Variants in C2CD2 observed in about 807,000 individuals in gnomAD.
C2CD2 encodes C2 domain-containing protein 2.
In C2CD2, 43 loss-of-function variants were observed where a neutral mutation model predicts 74.3. That is an observed-to-expected ratio of 0.58 (90% CI 0.45 to 0.75). The LOEUF (loss-of-function observed/expected upper bound fraction) is 0.75, where lower values mean the gene tolerates loss of function less well. Among genes scored for constraint, C2CD2 ranks in the 30% least tolerant of loss-of-function variants. C2CD2 has a pLI of 0.00. For missense variants in C2CD2, 801 were observed against 916.3 expected (o/e 0.87, Z 1.63); for synonymous variants, 422 against 390.7 (o/e 1.08, Z -0.94).
intron 8 of C2CD2, chr21:41,908,243 T>TTGTGGGTGTGTGTGTGTGTGTGTG: frequency 6.0e-6 from 1 of 167,382 alleles, no homozygotes; most frequent in Non-Finnish European, 1.2e-5. Flanking sequence ...TACCCTCAAG[T>TTGTGGGTGTGTGTGTGTGTGTGTG]TGTGTGTGTG....
At position 41,887,531 on chromosome 21, in the gene C2CD2, A is replaced by G. The variant is rs1443237302; in HGVS notation, c.*1593T>C. 6.6e-6 allele frequency: 1 copy of G among 151,902 alleles called. No homozygotes were observed. The highest frequency in any genetic ancestry group is 1.5e-5 in the Non-Finnish European group (1 of 67,998). 9.4% of individuals were successfully genotyped at this position (151,902 alleles called of 1,614,324 possible). A position where few individuals can be genotyped will look rare whatever the true frequency, so the allele number is the denominator to read the frequency against. On this transcript the variant is annotated 3_prime_UTR_variant, in exon 14 of 14. Transcript: ENST00000380486. ...AAAATCCTATAATTTTGGTTTTCAT[A>G]TAGGTTTTTACTAAAAAAGAAAAAA...
At chr21:41,900,575 G>A (rs973436309) in intron 12 of C2CD2, among the ~76,000 whole-genome samples, 14 of 152,182 alleles carry the variant, frequency 9.2e-5, no homozygotes, top group Non-Finnish European at 5.9e-5. Context: ...GCCTGCCTCT[G>A]GGACGTGGGG....
intron 7 of C2CD2, among the ~76,000 whole-genome samples, chr21:41,910,347 CT>C (rs1252667810): frequency 6.6e-6 from 1 of 152,168 alleles, no homozygotes; most frequent in Non-Finnish European, 1.5e-5. Context: ...ACCCATATAT[CT>C]TTGCACGCCG....
At chr21:41,935,820 G>A (rs371712503) in intron 2 of C2CD2, among the ~76,000 whole-genome samples, 11 of 151,994 alleles carry the variant, frequency 7.2e-5, no homozygotes, top group African/African-American at 2.2e-4. Context: ...CTCCAGCCTG[G>A]GTAACAGAGC....
chr21:41,893,698 C>CTTTTTT (rs60305027), intron 13 of C2CD2, among the ~76,000 whole-genome samples: 12 of 122,086 alleles, frequency 9.8e-5, no homozygotes, highest in Non-Finnish European at 1.2e-4. Flanking sequence ...TGTTAAATTT[C>CTTTTTT]TTTTTTTTTT....
chr21:41,950,444 T>C (rs1015196093), intron 1 of C2CD2, among the ~76,000 whole-genome samples: 4 of 152,118 alleles, frequency 2.6e-5, no homozygotes, highest in African/African-American at 9.7e-5. Flanking sequence ...GAATCCGAGG[T>C]CCCCTGCAAT....
rs960706235 is a variant in C2CD2 at position 41,939,704 on chromosome 21, C to T, written c.378+2443G>A. Among the ~76,000 whole-genome samples, 1 of 152,246 alleles carries T rather than the reference C, an allele frequency of 6.6e-6. No homozygotes were observed. Among genetic ancestry groups the T allele is most frequent in the Admixed American group, 6.5e-5 (1 of 15,292 alleles). ...CCAGTACTTTCCAGTGACTTCCTCA[C>T]ACTACTTACAAGGATTATCTAACAG... On this transcript the variant is annotated intron_variant, in intron 2 of 13. Transcript: ENST00000380486. This position sits in a 1 kb window ranked among gnomAD's most constrained non-coding sequence, Gnocchi z 5.5.
At chr21:41,893,698 C>CCT (rs1555899232) in intron 13 of C2CD2, among the ~76,000 whole-genome samples, 2,707 of 122,036 alleles carry the variant, frequency 0.022, 109 homozygotes, top group African/African-American at 0.077. Context: ...TGTTAAATTT[C>CCT]TTTTTTTTTT....
At chr21:41,949,248 G>T (rs1437336109) in intron 1 of C2CD2, among the ~76,000 whole-genome samples, 2 of 152,186 alleles carry the variant, frequency 1.3e-5, no homozygotes, top group East Asian at 3.8e-4. Context: ...GATGTTGGGG[G>T]TGTAACTGAT....
Position 41,888,922 on chromosome 21 carries a change from T to C in C2CD2, c.*202A>G, listed in dbSNP as rs1038295526. On this transcript the variant is annotated 3_prime_UTR_variant, in exon 14 of 14. Transcript: ENST00000380486. ...GTCTCATTTAGCATCTGGTGGCAAG[T>C]TGGGCTTTTTTGTCCTCTCTGGGAG... The C allele has an allele frequency of 1.7e-6, 1 of 596,198 alleles. No homozygotes were observed. Among genetic ancestry groups the C allele is most frequent in the Non-Finnish European group, 3.0e-6 (1 of 335,130 alleles). The allele number at this position is 596,198 out of a possible 1,614,324, so 36.9% of individuals were successfully genotyped here.
intron 11 of C2CD2, among the ~76,000 whole-genome samples, chr21:41,902,957 C>T (rs188765517): frequency 1.5e-3 from 227 of 152,254 alleles, no homozygotes; most frequent in African/African-American, 4.8e-3. Context: ...GCCCTCCTCT[C>T]GCCTGTGGGG....
At chr21:41,937,564 C>T (rs1030082025) in intron 2 of C2CD2, among the ~76,000 whole-genome samples, 6 of 152,134 alleles carry the variant, frequency 3.9e-5, no homozygotes, top group Admixed American at 6.5e-5. Flanking sequence ...AAGTTATATA[C>T]GGATTTTTGA....
chr21:41,903,872 C>A lies in C2CD2; in HGVS notation c.1432+1852G>T, dbSNP rs903821513. Among the ~76,000 whole-genome samples the A allele has an allele frequency of 6.6e-6, 1 of 152,158 alleles. No individual in the cohort carries two copies. Among genetic ancestry groups the A allele is most frequent in the Non-Finnish European group, 1.5e-5 (1 of 68,020 alleles). On this transcript the variant is annotated intron_variant, in intron 11 of 13. Transcript: ENST00000380486. This position sits in a 1 kb window ranked among gnomAD's most constrained non-coding sequence, Gnocchi z 4.5. ...CTGCCCACGTGACAGGACCCCGCAG[C>A]ATGGGCAGTGGGGGCACTGCCAGGG...
intron 13 of C2CD2, among the ~76,000 whole-genome samples, chr21:41,890,732 G>T (rs1366683083): frequency 6.6e-6 from 1 of 152,204 alleles, no homozygotes; most frequent in East Asian, 1.9e-4. Flanking sequence ...TTGAAGGAGG[G>T]CACGAAGAAT....
At chr21:41,928,544 C>CAAAAAAAAAAAAAAAAAAAAAAAAA (rs59346777) in intron 2 of C2CD2, among the ~76,000 whole-genome samples, 1 of 72,266 alleles carries the variant, frequency 1.4e-5, no homozygotes, top group African/African-American at 5.3e-5. Flanking sequence ...TAAAGCAAAG[C>CAAAAAAAAAAAAAAAAAAAAAAAAA]AAAAAAAAAA....
chr21:41,930,257 G>A (rs954915855), intron 2 of C2CD2, among the ~76,000 whole-genome samples: 3 of 150,044 alleles, frequency 2.0e-5, no homozygotes, highest in Admixed American at 6.7e-5. Flanking sequence ...AAGCTTTCCC[G>A]GTAGGCAGTT....
rs2065241536 is a variant in C2CD2 at position 41,929,076 on chromosome 21, C to T, written c.379-6991G>A. Among the ~76,000 whole-genome samples the T allele has an allele frequency of 6.6e-6, 1 of 151,286 alleles. No individual in the cohort carries two copies. The highest frequency in any genetic ancestry group is 2.4e-5 in the African/African-American group (1 of 41,076). Reference sequence around the variant, plus strand: ...ATGAGCCTGGGCAATATAGTGAGATCCCACCTCTAAAAAATATTTAAAAAG... The same window carrying T: ...ATGAGCCTGGGCAATATAGTGAGATTCCACCTCTAAAAAATATTTAAAAAG... On this transcript the variant is annotated intron_variant, in intron 2 of 13. Coordinates refer to ENST00000380486, the MANE Select transcript of C2CD2 (RefSeq NM_015500.2). This position sits in a 1 kb window ranked among gnomAD's most constrained non-coding sequence, Gnocchi z 4.6.
At chr21:41,925,238 T>C (rs1048935151) in intron 2 of C2CD2, among the ~76,000 whole-genome samples, 3 of 151,926 alleles carry the variant, frequency 2.0e-5, no homozygotes, top group Non-Finnish European at 4.4e-5. Flanking sequence ...GTAATCCCAG[T>C]GCTTTGGGAG....
chr21:41,887,495 TAAA>T lies in C2CD2; in HGVS notation c.*1626_*1628del, dbSNP rs1442537928. ...TTTTGGTTTTTATACAGGTTTTTAC[TAAA>T]AAAGAAAAAAATCCTATAATTTTGG... On this transcript the variant is annotated 3_prime_UTR_variant, in exon 14 of 14. Coordinates refer to ENST00000380486, the MANE Select transcript of C2CD2 (RefSeq NM_015500.2). The T allele has an allele frequency of 1.3e-5, 2 of 151,746 alleles. No individual in the cohort carries two copies. Among genetic ancestry groups the T allele is most frequent in the African/African-American group, 4.8e-5 (2 of 41,340 alleles). The allele number at this position is 151,746 out of a possible 1,614,324, so 9.4% of individuals were successfully genotyped here.
Sources: allele counts gnomAD v4.1 joint callset (sites outside exome capture counted in the v4.1 genomes callset), GRCh38; gene constraint gnomAD v4.1.1; non-coding constraint Gnocchi (gnomAD v3.1); transcripts MANE v1.5; gene names NCBI Gene and HGNC (gene_info 2026-07-23, HGNC 2026-07-21).